CSMD1: variants seen among roughly 807,000 people sequenced by gnomAD.
The protein encoded by CSMD1 is CUB and sushi domain-containing protein 1.
In CSMD1, 213 loss-of-function variants were observed where a neutral mutation model predicts 417.5. The observed-to-expected ratio is 0.51, with a 90% CI of 0.46 to 0.57. CSMD1 has a LOEUF of 0.57. CSMD1 is among the 20% of genes least tolerant of loss of function. The pLI, the probability that CSMD1 is intolerant of heterozygous loss-of-function variation, is 0.00. For synonymous variants in CSMD1, 2,862 were observed against 1,736.8 expected, an observed-to-expected ratio of 1.65 and a Z score of -16.11; for missense variants, 6,923 against 4,529.7, an observed-to-expected ratio of 1.53 and a Z score of -15.17.
chr8:4,167,931 C>A (rs901826501), intron 3 of CSMD1, among the ~76,000 whole-genome samples: 1 of 151,908 alleles, frequency 6.6e-6, no homozygotes, highest in Non-Finnish European at 1.5e-5. Flanking sequence ...AGTTCAAGAC[C>A]AGCCTGGCCA....
chr8:3,105,074 A>G (rs1267083044), intron 46 of CSMD1, among the ~76,000 whole-genome samples: 1 of 152,260 alleles, frequency 6.6e-6, no homozygotes, highest in Non-Finnish European at 1.5e-5. Context: ...CGAAGTCGAT[A>G]CTTTTGCAAA....
At chr8:3,691,611 C>T (rs1027179794) in intron 7 of CSMD1, among the ~76,000 whole-genome samples, 3 of 152,134 alleles carry the variant, frequency 2.0e-5, no homozygotes, top group African/African-American at 4.8e-5. Context: ...CCTATCCTAA[C>T]AAAAATATAT....
At chr8:4,914,435 G>A (rs59487217) in intron 1 of CSMD1, among the ~76,000 whole-genome samples, 10,141 of 151,890 alleles carry the variant, frequency 0.067, 417 homozygotes, top group African/African-American at 0.086. Flanking sequence ...AAAATTAACC[G>A]GGTGAGGTGG....
At chr8:4,505,037 G>C (rs537317680) in intron 2 of CSMD1, among the ~76,000 whole-genome samples, 6 of 152,220 alleles carry the variant, frequency 3.9e-5, no homozygotes, top group Non-Finnish European at 8.8e-5. Context: ...TTCTGTTCTA[G>C]ATCCTTGAGG....
rs759214030 is a variant in CSMD1 at position 4,032,052 on chromosome 8, C to T, written c.463G>A (p.Val155Ile). ...ATGTTGAATCTCGTTCCATGCAGAACTCCTTTCAGGATTTCTCCAGGATTT... is the reference window on the plus strand; with the variant it reads ...ATGTTGAATCTCGTTCCATGCAGAATTCCTTTCAGGATTTCTCCAGGATTT... ...CGNPGEILKG[V>I]LHGTRFNIGD... The change falls in exon 4 of 70, where the codon GTT (valine) becomes ATT (isoleucine). Residue 155 changes from valine (V) to isoleucine (I), a missense_variant. Coordinates refer to ENST00000635120, the MANE Select transcript of CSMD1 (RefSeq NM_033225.6). 6 of 1,613,780 alleles carry T rather than the reference C, an allele frequency of 3.7e-6. No homozygotes were observed. The highest frequency in any genetic ancestry group is 1.1e-5 in the South Asian group (1 of 91,064).
chr8:3,990,146 C>CT (rs1814635795), intron 5 of CSMD1, among the ~76,000 whole-genome samples: 1 of 152,076 alleles, frequency 6.6e-6, no homozygotes, highest in Non-Finnish European at 1.5e-5. Context: ...TTTAGTTTTA[C>CT]TTTTTTATTG....
intron 3 of CSMD1, among the ~76,000 whole-genome samples, chr8:4,058,820 T>G (rs1293497804): frequency 6.6e-6 from 1 of 150,462 alleles, no homozygotes; most frequent in Non-Finnish European, 1.5e-5. Flanking sequence ...CAAAGAGACT[T>G]AGACTCCCAC....
Position 3,125,742 on chromosome 8 carries a change from C to T in CSMD1, c.6242-7155G>A, listed in dbSNP as rs191697080. Among the ~76,000 whole-genome samples the T allele has an allele frequency of 3.4e-3, 521 of 152,210 alleles. 4 individuals are homozygous for T. Among genetic ancestry groups the T allele is most frequent in the Middle Eastern group, 0.01 (3 of 294 alleles). On this transcript the variant is annotated intron_variant, in intron 41 of 69. Transcript: ENST00000635120. ...CTGTAATCCCAGCACTTTGGGAGGCCGAGGTGGGCAGATTACCTGAGATCA... is the reference window on the plus strand; with the variant it reads ...CTGTAATCCCAGCACTTTGGGAGGCTGAGGTGGGCAGATTACCTGAGATCA...
At chr8:4,500,857 G>C (rs956295151) in intron 2 of CSMD1, among the ~76,000 whole-genome samples, 1 of 152,094 alleles carries the variant, frequency 6.6e-6, no homozygotes, top group African/African-American at 2.4e-5. Flanking sequence ...CTATTTATCT[G>C]TCTCTGGCGT....
chr8:4,549,690 A>T (rs1246094982), intron 2 of CSMD1, among the ~76,000 whole-genome samples: 2 of 151,870 alleles, frequency 1.3e-5, no homozygotes. Context: ...GGAGTTCAAG[A>T]CCAGCCTGGG....
chr8:4,642,055 C>G (rs1242090122), intron 1 of CSMD1, among the ~76,000 whole-genome samples: 1 of 152,152 alleles, frequency 6.6e-6, no homozygotes, highest in East Asian at 1.9e-4. Context: ...TAAGAACTGA[C>G]CTACGAAGTG....
intron 49 of CSMD1, among the ~76,000 whole-genome samples, chr8:3,081,213 G>A (rs1048147481): frequency 8.5e-5 from 13 of 152,160 alleles, no homozygotes; most frequent in Non-Finnish European, 1.5e-4. Context: ...AAAGGTACCT[G>A]TTGCATTTTA....
At position 3,624,135 on chromosome 8, in the gene CSMD1, A is replaced by G. The variant is rs557595868; in HGVS notation, c.1010-7338T>C. On this transcript the variant is annotated intron_variant, in intron 7 of 69. Coordinates refer to ENST00000635120, the MANE Select transcript of CSMD1 (RefSeq NM_033225.6). ...AGTTGCCTTCCTTTCATAAAATTTA[A>G]TTAATAATAAAAATACACTGAGCAT... Among the ~76,000 whole-genome samples the G allele has an allele frequency of 2.4e-4, 37 of 152,306 alleles. No homozygotes were observed. The South Asian group carries it at 7.0e-3, about 29-fold the overall frequency.
In CSMD1 at chr8:3,703,053, C is replaced by A. The variant is rs77676872; in HGVS notation, c.1009+5361G>T. 1.5e-3 allele frequency among the ~76,000 whole-genome samples: 227 copies of A among 152,156 alleles called. 2 individuals carry two copies. In the East Asian group the frequency reaches 0.042, roughly 28 times the overall value. The stretch of plus-strand genomic sequence containing the variant: ...TTCAAAATTTAGAGCATATAAACCA[C>A]GTAATTATAAAATACTTAGATATTT... On this transcript the variant is annotated intron_variant, in intron 7 of 69. Coordinates refer to ENST00000635120, the MANE Select transcript of CSMD1 (RefSeq NM_033225.6).
At chr8:4,309,582 A>T (rs931129713) in intron 3 of CSMD1, among the ~76,000 whole-genome samples, 15 of 152,278 alleles carry the variant, frequency 9.9e-5, no homozygotes, top group Non-Finnish European at 5.9e-5. Context: ...CTCAGTTCAT[A>T]TGAAATTCCC....
intron 1 of CSMD1, among the ~76,000 whole-genome samples, chr8:4,862,029 A>T (rs1802166566): frequency 6.6e-6 from 1 of 152,058 alleles, no homozygotes; most frequent in Non-Finnish European, 1.5e-5. Context: ...ACTGAACAGG[A>T]GGGATTGCGT....
In CSMD1 at chr8:4,489,720, C is replaced by A. The variant is rs539824274; in HGVS notation, c.303-69655G>T. ...GATTGCAGCACCCTCCCTGCTCACA[C>A]CCTGGCTGGCAGGGAAGAAGCAGCT... On this transcript the variant is annotated intron_variant, in intron 2 of 69. Transcript: ENST00000635120. Among the ~76,000 whole-genome samples, 10 of 152,310 alleles carry A rather than the reference C, an allele frequency of 6.6e-5. No individual in the cohort carries two copies. In the East Asian group the frequency reaches 1.6e-3, roughly 24 times the overall value.
intron 3 of CSMD1, among the ~76,000 whole-genome samples, chr8:4,132,118 G>A (rs1248158153): frequency 6.6e-6 from 1 of 151,134 alleles, no homozygotes; most frequent in African/African-American, 2.4e-5. Context: ...CCCAAAGTCT[G>A]TCTTGACAGT....
chr8:4,067,841 G>C (rs956930090), intron 3 of CSMD1, among the ~76,000 whole-genome samples: 2 of 152,162 alleles, frequency 1.3e-5, no homozygotes, highest in Admixed American at 6.5e-5. Flanking sequence ...CACTTTGGGA[G>C]GCCGAGGTGG....
Sources: gnomAD v4.1 joint callset for allele counts (sites outside exome capture counted in the v4.1 genomes callset) on GRCh38, gnomAD v4.1.1 for gene constraint, MANE v1.5 for transcripts, NCBI Gene and HGNC (gene_info 2026-07-23, HGNC 2026-07-21) for gene names.